The following TIPIN variants were observed in gnomAD, a reference collection of about 807,000 sequenced individuals.
TIPIN encodes TIMELESS-interacting protein.
In TIPIN, 29 loss-of-function variants were observed where a neutral mutation model predicts 35.6. The ratio of observed to expected loss-of-function variants is 0.82; its 90% CI spans 0.61 to 1.11. TIPIN has a LOEUF of 1.11. TIPIN is among the 50% of genes most tolerant of loss of function. TIPIN has a pLI of 0.00. For synonymous variants in TIPIN, 102 were observed against 121.5 expected (o/e 0.84, Z 1.06); for missense variants, 296 against 345.4 (o/e 0.86, Z 1.13).
chr15:66,363,613 G>C (rs552702022), intron 1 of TIPIN, among the ~76,000 whole-genome samples: 98 of 152,020 alleles, frequency 6.4e-4, no homozygotes, highest in Non-Finnish European at 9.9e-4. Flanking sequence ...CTGCACACCA[G>C]CCTGGGCAAC....
intron 1 of TIPIN, among the ~76,000 whole-genome samples, chr15:66,365,860 T>C (rs2093251994): frequency 6.6e-6 from 1 of 151,814 alleles, no homozygotes; most frequent in Admixed American, 6.6e-5. Context: ...TGCATATTAG[T>C]TTACTTTTTT....
At chr15:66,366,638 G>A (rs1267271010) in intron 1 of TIPIN, among the ~76,000 whole-genome samples, 2 of 148,582 alleles carry the variant, frequency 1.3e-5, no homozygotes, top group African/African-American at 4.9e-5. Context: ...GTGGTGGCTT[G>A]CGCCTGTAGT....
Position 66,347,140 on chromosome 15 carries a change from T to G in TIPIN, c.475+1920A>C, listed in dbSNP as rs1239716889. The G allele has an allele frequency of 1.4e-5, 6 of 442,270 alleles. No homozygotes were observed. In the East Asian group the frequency reaches 3.5e-4, roughly 26 times the overall value. The allele number at this position is 442,270 out of a possible 1,614,324, so 27.4% of individuals were successfully genotyped here. On this transcript the variant is annotated intron_variant, in intron 6 of 7. Transcript: ENST00000261881. ...GTTTGAAAGTAGTTTATAAATAACT[T>G]TAGGGTATTCTACATGGAACCTGTA...
At chr15:66,347,301 A>G (rs1210211661) in intron 6 of TIPIN, 1 of 516,708 alleles carries the variant, frequency 1.9e-6, no homozygotes, top group East Asian at 5.5e-5. Context: ...CTATGGTTGC[A>G]CTGTACAACT....
intron 1 of TIPIN, among the ~76,000 whole-genome samples, chr15:66,380,490 G>T (rs2093314926): frequency 6.6e-6 from 1 of 152,048 alleles, no homozygotes; most frequent in Admixed American, 6.6e-5. Flanking sequence ...TGTTGATATA[G>T]ACGTTACGTT....
At chr15:66,353,206 C>T (rs534579340) in intron 1 of TIPIN, among the ~76,000 whole-genome samples, 94 of 152,180 alleles carry the variant, frequency 6.2e-4, no homozygotes, top group Non-Finnish European at 4.7e-4. Context: ...TATTGAGTTT[C>T]CCCTACCATA....
intron 1 of TIPIN, among the ~76,000 whole-genome samples, chr15:66,375,148 G>A (rs952216974): frequency 2.6e-5 from 4 of 152,032 alleles, no homozygotes; most frequent in African/African-American, 9.7e-5. Context: ...GTGCAGTGGT[G>A]CATGTCCATA....
intron 1 of TIPIN, among the ~76,000 whole-genome samples, chr15:66,376,532 G>A (rs1170722516): frequency 1.3e-5 from 2 of 151,642 alleles, no homozygotes; most frequent in Admixed American, 6.6e-5. Context: ...AGGTTCAAGC[G>A]ATTCTCCTGC....
chr15:66,363,508 G>A (rs1470290518), intron 1 of TIPIN, among the ~76,000 whole-genome samples: 1 of 151,280 alleles, frequency 6.6e-6, no homozygotes, highest in African/African-American at 2.4e-5. Flanking sequence ...TGGGCGTGGT[G>A]GCCGGCACCT....
At chr15:66,367,087 GGA>G (rs2093257830) in intron 1 of TIPIN, among the ~76,000 whole-genome samples, 1 of 151,798 alleles carries the variant, frequency 6.6e-6, no homozygotes. Context: ...GGCTGAGGCA[GGA>G]GAATCGCTCA....
chr15:66,381,955 C>T (rs1438395033), intron 1 of TIPIN, among the ~76,000 whole-genome samples: 3 of 152,072 alleles, frequency 2.0e-5, no homozygotes, highest in African/African-American at 7.2e-5. Context: ...ATCCCAGCTA[C>T]TTGGGAGGCT....
chr15:66,337,005 G>A lies in TIPIN; in HGVS notation c.859C>T (p.Gln287Ter). 6.2e-7 allele frequency: 1 copy of A among 1,613,564 alleles called. No individual in the cohort carries two copies. The highest frequency in any genetic ancestry group is 8.5e-7 in the Non-Finnish European group (1 of 1,179,638). Reference sequence around the variant, plus strand: ...CTGGATGTAGCATCAAGTTGCTGTTGCACATTTTTAAAAGACTGGTCCAGC... The same window carrying A: ...CTGGATGTAGCATCAAGTTGCTGTTACACATTTTTAAAAGACTGGTCCAGC... ...TLLDQSFKNV[Q>*]QQLDATSRNI... The change falls in exon 8 of 8, where the codon CAA becomes TAA. Residue 287 changes from glutamine (Q) to a stop codon, truncating the protein, a stop_gained. Transcript: ENST00000261881. LOFTEE classifies it high-confidence loss of function.
chr15:66,351,676 C>T (rs1256608067), intron 3 of TIPIN, 76 bp from the exon 4 acceptor site: 19 of 1,267,780 alleles, frequency 1.5e-5, no homozygotes, highest in African/African-American at 4.9e-5. Flanking sequence ...CTCACTCTGT[C>T]GCCCAGGCTG....
rs574694332 is a variant in TIPIN at position 66,356,674 on chromosome 15, G to T, written c.-44C>A. 427 of 985,550 alleles carry T rather than the reference G, an allele frequency of 4.3e-4. No homozygotes were observed. Among genetic ancestry groups the T allele is most frequent in the Non-Finnish European group, 4.6e-4 (381 of 830,126 alleles). The allele number at this position is 985,550 out of a possible 1,614,324, so 61.1% of individuals were successfully genotyped here. ...AAACACGGGACACAGCGCGGACCTC[G>T]GCGTGCAGACTAAGCGCGCTTCTCG... On this transcript the variant is annotated 5_prime_UTR_variant, in exon 1 of 8. Transcript: ENST00000261881.
chr15:66,351,420 A>G (rs1228279013), intron 4 of TIPIN, 105 bp downstream of exon 4: 1 of 813,120 alleles, frequency 1.2e-6, no homozygotes, highest in African/African-American at 1.7e-5. Context: ...TACGACGACT[A>G]AGGATAGTAT....
At chr15:66,351,365 TCAAA>T (rs2093166749) in intron 4 of TIPIN, among the ~76,000 whole-genome samples, 156 bp downstream of exon 4, 2 of 152,338 alleles carry the variant, frequency 1.3e-5, no homozygotes, top group South Asian at 4.1e-4. Flanking sequence ...TTCTAATTCT[TCAAA>T]CAGTTCCCTT....
intron 1 of TIPIN, chr15:66,386,316 A>T (rs1339332581): frequency 8.6e-6 from 1 of 116,022 alleles, no homozygotes; most frequent in Non-Finnish European, 2.1e-5. Context: ...TCCCAAGTCT[A>T]AAAAAAAAAA....
chr15:66,383,570 A>G lies in TIPIN; in HGVS notation c.-9+3037T>C, dbSNP rs189749001. On this transcript the variant is annotated intron_variant, in intron 1 of 7. Transcript: ENST00000562124. ...TGAGCCACCACCACACCTGGCCTTC[A>G]ATTCACTTTTTAATGTTTATTATTT... 7 of 984,978 alleles carry G rather than the reference A, an allele frequency of 7.1e-6. No homozygotes were observed. In the East Asian group the frequency reaches 6.8e-4, roughly 96 times the overall value. The allele number at this position is 984,978 out of a possible 1,614,324, so 61.0% of individuals were successfully genotyped here.
intron 1 of TIPIN, among the ~76,000 whole-genome samples, chr15:66,379,068 T>C (rs190962544): frequency 6.6e-6 from 1 of 152,276 alleles, no homozygotes; most frequent in East Asian, 1.9e-4. Context: ...GTTTTTTTTT[T>C]TGTAGAGATG....
Sources: gnomAD v4.1 joint callset for allele counts (sites outside exome capture counted in the v4.1 genomes callset) on GRCh38, gnomAD v4.1.1 for gene constraint, MANE v1.5 for transcripts, NCBI Gene and HGNC (gene_info 2026-07-23, HGNC 2026-07-21) for gene names.